ERC2: variants seen among roughly 807,000 people sequenced by gnomAD.
ERC2 encodes the protein ERC protein 2.
In ERC2, 42 loss-of-function variants were observed where a neutral mutation model predicts 114.8. The observed-to-expected ratio is 0.37, with a 90% CI of 0.29 to 0.47. ERC2 has a LOEUF of 0.47. ERC2 is among the 20% of genes least tolerant of loss of function. ERC2 has a pLI of 0.99. For synonymous variants in ERC2, 454 were observed against 425.5 expected (o/e 1.07, Z -0.82); for missense variants, 939 against 1,150.7 (o/e 0.82, Z 2.66).
Position 55,974,719 on chromosome 3 carries a change from C to T in ERC2, c.2267+11258G>A, listed in dbSNP as rs1472491526. 3.3e-5 allele frequency among the ~76,000 whole-genome samples: 5 copies of T among 152,184 alleles called. No homozygotes were observed. In the South Asian group the frequency reaches 8.3e-4, roughly 25 times the overall value. ...TGTCTCCAGTCTACGAAGCCACTGC[C>T]TCCATGAAGGCCCACTCACCAGGCC... On this transcript the variant is annotated intron_variant, in intron 12 of 17. Coordinates refer to ENST00000288221, the MANE Select transcript of ERC2 (RefSeq NM_015576.3).
intron 14 of ERC2, among the ~76,000 whole-genome samples, chr3:55,834,191 G>C (rs1178606445): frequency 6.6e-6 from 1 of 152,172 alleles, no homozygotes; most frequent in Admixed American, 6.5e-5. Context: ...GTCAACGTTA[G>C]ACAGATGAAC....
intron 14 of ERC2, among the ~76,000 whole-genome samples, chr3:55,800,066 G>A (rs1017333330): frequency 1.3e-5 from 2 of 152,164 alleles, no homozygotes; most frequent in Non-Finnish European, 2.9e-5. Context: ...TTACTAGTGA[G>A]AGCTTGTAGT....
intron 2 of ERC2, among the ~76,000 whole-genome samples, chr3:56,376,141 T>C (rs2059532810): frequency 6.6e-6 from 1 of 152,192 alleles, no homozygotes; most frequent in Non-Finnish European, 1.5e-5. Flanking sequence ...AGCTAAGCTG[T>C]CCTCAGATTG....
At chr3:55,596,535 T>C (rs2058146547) in intron 17 of ERC2, among the ~76,000 whole-genome samples, 5 of 152,208 alleles carry the variant, frequency 3.3e-5, no homozygotes, top group South Asian at 2.1e-4. Flanking sequence ...GCTGTGATTA[T>C]GCCATGCACT....
chr3:56,030,730 G>A (rs944171454), intron 7 of ERC2, among the ~76,000 whole-genome samples: 4 of 152,144 alleles, frequency 2.6e-5, no homozygotes, highest in Non-Finnish European at 4.4e-5. Flanking sequence ...ACATCAATTT[G>A]AACAACTGTC....
At chr3:56,176,403 G>A (rs187664682) in intron 3 of ERC2, among the ~76,000 whole-genome samples, 1 of 152,170 alleles carries the variant, frequency 6.6e-6, no homozygotes, top group African/African-American at 2.4e-5. Context: ...ATTGTCAAGG[G>A]TAAACATGCA....
intron 2 of ERC2, among the ~76,000 whole-genome samples, chr3:56,387,359 T>C (rs2059970603): frequency 6.6e-6 from 1 of 152,182 alleles, no homozygotes; most frequent in African/African-American, 2.4e-5. Context: ...TCTCATCACA[T>C]TGTGGGTGTT....
intron 14 of ERC2, among the ~76,000 whole-genome samples, chr3:55,738,124 T>G (rs1183982082): frequency 1.3e-5 from 2 of 152,162 alleles, no homozygotes; most frequent in Non-Finnish European, 2.9e-5. Context: ...GGCCCAGAAG[T>G]CTCTTGTCAT....
chr3:56,352,918 CA>C (rs1056250033), intron 2 of ERC2, among the ~76,000 whole-genome samples: 1 of 151,460 alleles, frequency 6.6e-6, no homozygotes, highest in South Asian at 2.1e-4. Flanking sequence ...TCAAATCTGG[CA>C]AAAAAAAGAA....
At chr3:56,027,303 CGT>C (rs2074108994) in intron 7 of ERC2, among the ~76,000 whole-genome samples, 1 of 152,112 alleles carries the variant, frequency 6.6e-6, no homozygotes, top group Admixed American at 6.5e-5. Flanking sequence ...TTTTCGGTGA[CGT>C]AAGTTTTCAC....
At chr3:56,122,273 TTA>T (rs1432672672) in intron 6 of ERC2, among the ~76,000 whole-genome samples, 1 of 152,168 alleles carries the variant, frequency 6.6e-6, no homozygotes, top group Non-Finnish European at 1.5e-5. Flanking sequence ...TATGATTTCA[TTA>T]TGTTGGGAAG....
chr3:55,891,534 C>T (rs1263383012), intron 13 of ERC2, among the ~76,000 whole-genome samples: 1 of 147,324 alleles, frequency 6.8e-6, no homozygotes, highest in Non-Finnish European at 1.5e-5. Flanking sequence ...GCAATCTCTG[C>T]CTCCCGGGTT....
chr3:56,157,407 G>A (rs1348984636), intron 4 of ERC2, among the ~76,000 whole-genome samples: 2 of 152,138 alleles, frequency 1.3e-5, no homozygotes, highest in Non-Finnish European at 2.9e-5. Context: ...CTCAACAATG[G>A]GTTGCATGTC....
At position 55,952,194 on chromosome 3, in the gene ERC2, CTCTCTATA is replaced by C. The variant is rs1191831156; in HGVS notation, c.2268-1642_2268-1635del. 3.6e-5 allele frequency among the ~76,000 whole-genome samples: 4 copies of C among 111,942 alleles called. 1 individual carries two copies. Among genetic ancestry groups the C allele is most frequent in the Middle Eastern group, 9.7e-3 (2 of 206 alleles). The allele number at this position is 111,942 out of a possible 152,430, so 73.4% of individuals were successfully genotyped here. A position where few individuals can be genotyped will look rare whatever the true frequency, so the allele number is the denominator to read the frequency against. On this transcript the variant is annotated intron_variant, in intron 12 of 17. Transcript: ENST00000288221. ...ACACACACACACTCTCTCTCTCTCTCTCTCTATATATATATATATATATTCTGAACACT... is the reference window on the plus strand; with the variant it reads ...ACACACACACACTCTCTCTCTCTCTCTATATATATATATATTCTGAACACT...
intron 13 of ERC2, among the ~76,000 whole-genome samples, chr3:55,922,229 C>T (rs765126137): frequency 1.3e-5 from 2 of 152,028 alleles, no homozygotes; most frequent in African/African-American, 2.4e-5. Context: ...CCCAGAGTGA[C>T]GTTTCTAACA....
At chr3:55,998,178 A>C (rs1426503721) in intron 10 of ERC2, among the ~76,000 whole-genome samples, 3 of 151,746 alleles carry the variant, frequency 2.0e-5, no homozygotes, top group African/African-American at 4.8e-5. Flanking sequence ...TTATTTTCAT[A>C]GATGGAACAA....
At chr3:55,993,305 A>G (rs1197021999) in intron 10 of ERC2, among the ~76,000 whole-genome samples, 2 of 152,184 alleles carry the variant, frequency 1.3e-5, no homozygotes, top group African/African-American at 4.8e-5. Flanking sequence ...AACAATTTTT[A>G]AGGACTTAAG....
chr3:55,656,220 C>T (rs1468007802), intron 17 of ERC2, among the ~76,000 whole-genome samples: 1 of 152,156 alleles, frequency 6.6e-6, no homozygotes, highest in Non-Finnish European at 1.5e-5. Flanking sequence ...GCTCATGCAG[C>T]CTTGAACTCC....
intron 13 of ERC2, among the ~76,000 whole-genome samples, chr3:55,944,422 C>T (rs905041873): frequency 1.3e-5 from 2 of 152,196 alleles, no homozygotes; most frequent in South Asian, 2.1e-4. Context: ...GTACAGAAAG[C>T]CTATATGAAG....
Sources: allele counts gnomAD v4.1 joint callset (sites outside exome capture counted in the v4.1 genomes callset), GRCh38; gene constraint gnomAD v4.1.1; transcripts MANE v1.5; gene names NCBI Gene and HGNC (gene_info 2026-07-23, HGNC 2026-07-21).